TRIM9: variants seen among roughly 807,000 people sequenced by gnomAD.
TRIM9 encodes the protein tripartite motif containing 9.
In TRIM9, 26 loss-of-function variants were observed where a neutral mutation model predicts 78.3. That is an observed-to-expected ratio of 0.33 (90% CI 0.24 to 0.46). TRIM9 has a LOEUF of 0.46. Ranked by LOEUF, TRIM9 falls within the 20% of genes least tolerant of loss-of-function variation. TRIM9 has a pLI of 1.00. For missense variants in TRIM9, 787 were observed against 1,036.4 expected (o/e 0.76, Z 3.30); for synonymous variants, 398 against 416.5 (o/e 0.96, Z 0.54).
chr14:51,027,269 G>C lies in TRIM9; in HGVS notation c.823-1909C>G, dbSNP rs188545338. ...AGCGATTCTCCTGCCTCAGCCTCCC[G>C]AATAGCTGGGATTACAGCCGTGCAC... is the stretch of plus-strand genomic sequence containing the variant. On this transcript the variant is annotated intron_variant, in intron 1 of 12. Coordinates refer to ENST00000684578, the MANE Select transcript of TRIM9 (RefSeq NM_001387360.1). 1.9e-3 allele frequency among the ~76,000 whole-genome samples: 288 copies of C among 148,930 alleles called. 1 individual carries two copies. The highest frequency in any genetic ancestry group is 7.2e-3 in the Middle Eastern group (2 of 278).
At chr14:50,982,237 A>G in intron 10 of TRIM9, 134 bp from the exon 11 acceptor site, 1 of 973,138 alleles carries the variant, frequency 1.0e-6, no homozygotes, top group Non-Finnish European at 1.5e-6. Flanking sequence ...GTCCAGGGCC[A>G]GGGCAGACAG....
rs753781272 is a variant in TRIM9 at position 51,094,758 on chromosome 14, T to C, written c.182A>G (p.Asp61Gly). 2.0e-6 allele frequency: 3 copies of C among 1,530,434 alleles called. No individual in the cohort carries two copies. The highest frequency in any genetic ancestry group is 2.6e-6 in the Non-Finnish European group (3 of 1,140,400). The allele number at this position is 1,530,434 out of a possible 1,614,324, so 94.8% of individuals were successfully genotyped here. The change falls in exon 1 of 13, where the codon GAC becomes GGC. Residue 61 changes from aspartate to glycine, a missense_variant. Around this residue, in one of 3 missense-constraint regions of TRIM9, gnomAD observed 352 missense variants for 472.3 expected, o/e 0.75. Coordinates refer to ENST00000684578, the MANE Select transcript of TRIM9 (RefSeq NM_001387360.1). ...RAAGSGVSDY[D>G]YLDLDKMSLY... ...GCTCATCTTGTCCAGGTCCAGATAGTCATAGTCGGAGACCCCGGAGCCCGC... is the reference window on the plus strand; with the variant it reads ...GCTCATCTTGTCCAGGTCCAGATAGCCATAGTCGGAGACCCCGGAGCCCGC...
chr14:50,998,032 A>G lies in TRIM9; in HGVS notation c.1603+18T>C, dbSNP rs1376725774. On this transcript the variant is annotated intron_variant, in intron 7 of 12. Coordinates refer to ENST00000684578, the MANE Select transcript of TRIM9 (RefSeq NM_001387360.1). The stretch of plus-strand genomic sequence containing the variant: ...CCACGCAGTTCTCGCTCTGAGGGAT[A>G]CTGCTGAAGGGCCTTACCCTCAGAC... The G allele has an allele frequency of 6.2e-7, 1 of 1,613,942 alleles. No individual in the cohort carries two copies. Among genetic ancestry groups the G allele is most frequent in the African/African-American group, 1.3e-5 (1 of 74,948 alleles).
chr14:51,052,480 T>C (rs768608338), intron 1 of TRIM9, among the ~76,000 whole-genome samples: 1 of 152,262 alleles, frequency 6.6e-6, no homozygotes, highest in Non-Finnish European at 1.5e-5. Context: ...TTGGCTGTTG[T>C]TGCTATTAGC....
At chr14:51,088,954 T>A (rs2140360255) in intron 1 of TRIM9, 1 of 149,950 alleles carries the variant, frequency 6.7e-6, no homozygotes, top group Admixed American at 6.7e-5. Flanking sequence ...TGGTTGCAAG[T>A]GGCAGGAAAC....
chr14:51,039,084 G>T (rs2059386391), intron 1 of TRIM9, among the ~76,000 whole-genome samples: 1 of 152,146 alleles, frequency 6.6e-6, no homozygotes, highest in African/African-American at 2.4e-5. Flanking sequence ...GGCCTTACCA[G>T]GCCTTTACAA....
chr14:51,025,382 C>T (rs1204061442), intron 1 of TRIM9, 22 bp from the exon 2 acceptor site: 3 of 1,611,506 alleles, frequency 1.9e-6, no homozygotes, highest in South Asian at 1.1e-5. Context: ...AAGAAGGAAG[C>T]CATGGAGCTG....
Position 51,086,852 on chromosome 14 carries a change from C to T in TRIM9, c.822+7266G>A, listed in dbSNP as rs543326129. On this transcript the variant is annotated intron_variant, in intron 1 of 12. Coordinates refer to ENST00000684578, the MANE Select transcript of TRIM9 (RefSeq NM_001387360.1). ...GAGTGGATGAGTTTCTTGAGACAGG[C>T]GTGTTGAGGAGGGGGGAAAAGTAAA... Among the ~76,000 whole-genome samples, 22 of 152,078 alleles carry T rather than the reference C, an allele frequency of 1.4e-4. No homozygotes were observed. The East Asian group carries it at 2.9e-3, about 20-fold the overall frequency.
intron 1 of TRIM9, among the ~76,000 whole-genome samples, chr14:51,057,952 T>C (rs7160975): frequency 0.81 from 122,846 of 152,136 alleles, 49,677 homozygotes; most frequent in South Asian, 0.86. Context: ...GGCTCTTATT[T>C]CAAGCCAGTT....
At position 50,981,888 on chromosome 14, in the gene TRIM9, C is replaced by T. The variant is rs1213325729; in HGVS notation, c.2074G>A (p.Val692Met). ...GCTTTGTCGTCTTTTCCTAACATCA[C>T]ATCCTTCATCACGTCCATGCGAGCC... ...GVARMDVMKD[V>M]MLGKDDKAWA... The change falls in exon 11 of 13, where the codon GTG (valine) becomes ATG (methionine). Residue 692 changes from valine (V) to methionine (M), a missense_variant. Transcript: ENST00000684578. The T allele has an allele frequency of 3.1e-6, 5 of 1,614,058 alleles. 1 individual carries two copies. In the African/African-American group the frequency reaches 4.0e-5, roughly 13 times the overall value.
At position 51,095,104 on chromosome 14, in the gene TRIM9, G is replaced by C; in HGVS notation, c.-165C>G. On this transcript the variant is annotated 5_prime_UTR_variant, in exon 1 of 13. Transcript: ENST00000684578. The stretch of plus-strand genomic sequence containing the variant: ...GGACACCCAGAGAGGCGCTAGCTCT[G>C]TGAGCCGCAGCCGCGTAGCCGCCGC... 2.1e-6 allele frequency: 1 copy of C among 475,312 alleles called. No individual in the cohort carries two copies. Among genetic ancestry groups the C allele is most frequent in the Non-Finnish European group, 3.4e-6 (1 of 293,294 alleles). The allele number at this position is 475,312 out of a possible 1,614,324, so 29.4% of individuals were successfully genotyped here.
At chr14:51,069,357 AT>A (rs1031020208) in intron 1 of TRIM9, among the ~76,000 whole-genome samples, 8 of 151,942 alleles carry the variant, frequency 5.3e-5, no homozygotes, top group Non-Finnish European at 7.4e-5. Flanking sequence ...TCTACAGGCA[AT>A]TTTTTTTGTC....
chr14:50,983,505 T>C lies in TRIM9; in HGVS notation c.1793-84A>G, dbSNP rs192319387. The C allele has an allele frequency of 4.9e-6, 5 of 1,020,330 alleles. No homozygotes were observed. In the East Asian group the frequency reaches 1.1e-4, roughly 22 times the overall value. The allele number at this position is 1,020,330 out of a possible 1,614,324, so 63.2% of individuals were successfully genotyped here. On this transcript the variant is annotated intron_variant, in intron 8 of 12. Coordinates refer to ENST00000684578, the MANE Select transcript of TRIM9 (RefSeq NM_001387360.1). ...CTTGTATACGCTTAAAAAGCACCAG[T>C]TGAATATAGATACCAGAGGCCTGAT...
intron 1 of TRIM9, among the ~76,000 whole-genome samples, chr14:51,050,406 A>G (rs562503240): frequency 2.0e-5 from 3 of 152,302 alleles, no homozygotes; most frequent in East Asian, 3.9e-4. Context: ...TTTGCCTGCC[A>G]CCATGTAAGA....
intron 1 of TRIM9, among the ~76,000 whole-genome samples, chr14:51,051,850 C>T (rs1363761663): frequency 6.6e-6 from 1 of 152,024 alleles, no homozygotes; most frequent in Non-Finnish European, 1.5e-5. Context: ...GCCTGTGATC[C>T]CAGCTACTAA....
At chr14:51,091,531 A>G (rs2140378710) in intron 1 of TRIM9, among the ~76,000 whole-genome samples, 1 of 152,356 alleles carries the variant, frequency 6.6e-6, no homozygotes, top group Admixed American at 6.5e-5. Context: ...TAGAAGTACC[A>G]TTAACTAAAA....
At chr14:51,006,447 C>T (rs1336531123) in intron 5 of TRIM9, among the ~76,000 whole-genome samples, 1 of 152,168 alleles carries the variant, frequency 6.6e-6, no homozygotes, top group African/African-American at 2.4e-5. Flanking sequence ...CAATAGAAGT[C>T]TGAACTCCAG....
intron 1 of TRIM9, among the ~76,000 whole-genome samples, chr14:51,036,081 G>A (rs903226357): frequency 6.6e-6 from 1 of 152,154 alleles, no homozygotes; most frequent in African/African-American, 2.4e-5. Flanking sequence ...CCCAAGAAAC[G>A]ATGAATATTG....
intron 6 of TRIM9, among the ~76,000 whole-genome samples, chr14:51,000,061 T>C (rs1295732363): frequency 6.6e-6 from 1 of 152,088 alleles, no homozygotes; most frequent in Non-Finnish European, 1.5e-5. Context: ...AGAACAAAAC[T>C]ATAGAACTGG....
Sources: gnomAD v4.1 joint callset for allele counts (sites outside exome capture counted in the v4.1 genomes callset) on GRCh38, gnomAD v4.1.1 for gene constraint, gnomAD v4.1.1 regional missense constraint, MANE v1.5 for transcripts, NCBI Gene and HGNC (gene_info 2026-07-23, HGNC 2026-07-21) for gene names.